The following SPOCK1 variants were observed in gnomAD, a reference collection of about 807,000 sequenced individuals.
The protein encoded by SPOCK1 is testican-1.
SPOCK1 carries 23 observed loss-of-function variants against 55.3 expected under a neutral mutation model. That is an observed-to-expected ratio of 0.42 (90% CI 0.30 to 0.59). SPOCK1 has a LOEUF of 0.59. Among genes scored for constraint, SPOCK1 ranks in the 20% least tolerant of loss-of-function variants. The probability of loss-of-function intolerance (pLI) is 0.22; values close to 1 mark genes in which losing one functional copy is unlikely to be tolerated. For missense variants in SPOCK1, 499 were observed against 552.5 expected (o/e 0.90, Z 0.97); for synonymous variants, 226 against 221.0 (o/e 1.02, Z -0.20).
intron 2 of SPOCK1, among the ~76,000 whole-genome samples, chr5:137,357,313 G>A (rs1750838990): frequency 6.6e-6 from 1 of 152,166 alleles, no homozygotes; most frequent in African/African-American, 2.4e-5. Context: ...AGTAGAACAT[G>A]TTCTCTGTTG....
intron 2 of SPOCK1, among the ~76,000 whole-genome samples, chr5:137,313,179 T>A (rs77626139): frequency 0.035 from 5,256 of 152,150 alleles, 292 homozygotes; most frequent in African/African-American, 0.12. Flanking sequence ...ACAGTTAGAG[T>A]CTCTCCTAAA....
chr5:137,287,084 A>G lies in SPOCK1; in HGVS notation c.187-20029T>C, dbSNP rs201063605. On this transcript the variant is annotated intron_variant, in intron 2 of 10. Coordinates refer to ENST00000394945, the MANE Select transcript of SPOCK1 (RefSeq NM_004598.4). The stretch of plus-strand genomic sequence containing the variant: ...AAAAATAGGTGGCACCCAGGGTCAC[A>G]CTGCTTTTCAGTTGGTCCTGCAAGC... Among the ~76,000 whole-genome samples the G allele has an allele frequency of 4.6e-5, 7 of 152,332 alleles. No homozygotes were observed. The East Asian group carries it at 1.2e-3, about 25-fold the overall frequency.
chr5:137,076,625 AAAAG>A (rs1242928401), intron 5 of SPOCK1, among the ~76,000 whole-genome samples: 1,964 of 151,496 alleles, frequency 0.013, 49 homozygotes, highest in African/African-American at 0.045. Flanking sequence ...AAAAAAAAAA[AAAAG>A]AATGGTTGAC....
At chr5:137,309,380 C>T (rs892189034) in intron 2 of SPOCK1, among the ~76,000 whole-genome samples, 2 of 152,134 alleles carry the variant, frequency 1.3e-5, no homozygotes, top group South Asian at 2.1e-4. Context: ...TCCTCTTGGC[C>T]GCCCCAGCCT....
chr5:137,026,035 T>G (rs1378949931), intron 6 of SPOCK1, among the ~76,000 whole-genome samples: 1 of 152,206 alleles, frequency 6.6e-6, no homozygotes, highest in African/African-American at 2.4e-5. Flanking sequence ...TATCATTAAA[T>G]AGAAGGAAGG....
intron 2 of SPOCK1, among the ~76,000 whole-genome samples, chr5:137,493,798 C>G (rs1431903899): frequency 6.6e-6 from 1 of 152,170 alleles, no homozygotes; most frequent in African/African-American, 2.4e-5. Context: ...CTAAGCCATA[C>G]CACCTCTTTT....
intron 6 of SPOCK1, among the ~76,000 whole-genome samples, chr5:137,057,398 T>C (rs1366815836): frequency 6.6e-6 from 1 of 152,246 alleles, no homozygotes; most frequent in Non-Finnish European, 1.5e-5. Flanking sequence ...CATCTATCAC[T>C]ATACATTCAA....
At chr5:137,422,387 C>T (rs545391514) in intron 2 of SPOCK1, among the ~76,000 whole-genome samples, 53 of 152,356 alleles carry the variant, frequency 3.5e-4, no homozygotes, top group African/African-American at 1.2e-3. Flanking sequence ...TGTTTTCCAA[C>T]TTGGTTCCAT....
intron 3 of SPOCK1, among the ~76,000 whole-genome samples, chr5:137,212,580 C>T (rs989426497): frequency 1.8e-4 from 28 of 152,184 alleles, no homozygotes; most frequent in African/African-American, 6.8e-4. Flanking sequence ...CAACTTTGGC[C>T]TGATTTGCCT....
intron 2 of SPOCK1, among the ~76,000 whole-genome samples, chr5:137,306,369 T>G (rs984381120): frequency 5.9e-5 from 9 of 152,172 alleles, no homozygotes; most frequent in Non-Finnish European, 1.0e-4. Flanking sequence ...TCACAAATGC[T>G]CATGCTTTGT....
intron 2 of SPOCK1, among the ~76,000 whole-genome samples, chr5:137,312,243 T>C (rs1375988312): frequency 6.6e-6 from 1 of 152,166 alleles, no homozygotes; most frequent in Non-Finnish European, 1.5e-5. Flanking sequence ...GAGCTTACCA[T>C]GCCTGGTCCC....
At chr5:137,375,830 G>A (rs1013726024) in intron 2 of SPOCK1, among the ~76,000 whole-genome samples, 17 of 152,184 alleles carry the variant, frequency 1.1e-4, no homozygotes, top group African/African-American at 3.9e-4. Flanking sequence ...CAGGCTATGC[G>A]TGACCTCCAG....
intron 2 of SPOCK1, among the ~76,000 whole-genome samples, chr5:137,348,593 G>T (rs1750611606): frequency 6.6e-6 from 1 of 151,772 alleles, no homozygotes; most frequent in South Asian, 2.1e-4. Context: ...CCCTGCTCAG[G>T]GCTTCAACAT....
At chr5:137,341,766 T>C (rs1230275142) in intron 2 of SPOCK1, among the ~76,000 whole-genome samples, 1 of 152,152 alleles carries the variant, frequency 6.6e-6, no homozygotes, top group Admixed American at 6.5e-5. Flanking sequence ...TCAAATAGGT[T>C]TGCAAAAACT....
intron 3 of SPOCK1, among the ~76,000 whole-genome samples, chr5:137,194,313 G>T (rs577282109): frequency 6.6e-6 from 1 of 152,200 alleles, no homozygotes; most frequent in Non-Finnish European, 1.5e-5. Flanking sequence ...GATCACTTTT[G>T]TTAATGAGGT....
intron 2 of SPOCK1, among the ~76,000 whole-genome samples, chr5:137,461,039 T>C (rs1224654646): frequency 6.6e-6 from 1 of 152,216 alleles, no homozygotes; most frequent in African/African-American, 2.4e-5. Context: ...CTATCAGAAA[T>C]TCTAATATAT....
At chr5:137,442,075 A>G (rs1205332995) in intron 2 of SPOCK1, among the ~76,000 whole-genome samples, 2 of 152,206 alleles carry the variant, frequency 1.3e-5, no homozygotes, top group Non-Finnish European at 2.9e-5. Flanking sequence ...TGGAGTGTTC[A>G]CTTACTGATG....
intron 6 of SPOCK1, among the ~76,000 whole-genome samples, chr5:137,057,682 T>C (rs887531193): frequency 3.9e-5 from 6 of 152,226 alleles, no homozygotes; most frequent in Non-Finnish European, 7.4e-5. Context: ...TAGCTCCCAA[T>C]ACACCACTTG....
chr5:137,039,850 C>A (rs892043406), intron 6 of SPOCK1, among the ~76,000 whole-genome samples: 1 of 152,182 alleles, frequency 6.6e-6, no homozygotes, highest in African/African-American at 2.4e-5. Flanking sequence ...TATACAGGTG[C>A]CTGGCTCTTC....
Sources: allele counts gnomAD v4.1 joint callset (sites outside exome capture counted in the v4.1 genomes callset), GRCh38; gene constraint gnomAD v4.1.1; transcripts MANE v1.5; gene names NCBI Gene and HGNC (gene_info 2026-07-23, HGNC 2026-07-21).